STARD3: variants seen among roughly 807,000 people sequenced by gnomAD.
STARD3 encodes stAR-related lipid transfer protein 3.
Under a neutral mutation model 62.0 loss-of-function variants are expected in STARD3, and 39 were observed. The ratio of observed to expected loss-of-function variants is 0.63; its 90% CI spans 0.49 to 0.82. The LOEUF is 0.82. Ranked by LOEUF, STARD3 falls within the 40% of genes least tolerant of loss-of-function variation. STARD3 has a pLI of 0.00. For synonymous variants in STARD3, 229 were observed against 242.4 expected (o/e 0.94, Z 0.51); for missense variants, 543 against 584.5 (o/e 0.93, Z 0.73).
At chr17:39,653,246 G>A in intron 1 of STARD3, 1 of 518,856 alleles carries the variant, frequency 1.9e-6, no homozygotes, top group South Asian at 2.1e-5. Flanking sequence ...TGAACCCTGT[G>A]GCTGCTGGGC....
rs562992011 is a variant in STARD3 at position 39,663,697 on chromosome 17, G to GA, written c.*796dup. On this transcript the variant is annotated 3_prime_UTR_variant, in exon 15 of 15. Coordinates refer to ENST00000336308, the MANE Select transcript of STARD3 (RefSeq NM_006804.4). ...GTTCAACTGAGCAGATGACTGGTCA[G>GA]AAAAAAATGCCCCGCCCCCTGCCAG... is the stretch of plus-strand genomic sequence containing the variant. Among the ~76,000 whole-genome samples, 820 of 145,046 alleles carry GA rather than the reference G, an allele frequency of 5.7e-3. 9 individuals carry two copies. Among genetic ancestry groups the GA allele is most frequent in the African/African-American group, 0.02 (762 of 38,928 alleles).
chr17:39,659,061 T>C lies in STARD3; in HGVS notation c.657T>C (p.Asn219=). The change falls in exon 8 of 15, where the codon AAT becomes AAC. Residue 219 remains asparagine, a synonymous_variant. Transcript: ENST00000336308. ...SPPESFAGSD[N]ESDEEVAGKK... The stretch of plus-strand genomic sequence containing the variant: ...GCCTGTTTTCTGCAGGGTCTGACAA[T>C]GAATCAGATGAAGAAGTTGCTGGGA... 1 of 1,614,130 alleles carries C rather than the reference T, an allele frequency of 6.2e-7. No individual in the cohort carries two copies. Among genetic ancestry groups the C allele is most frequent in the Non-Finnish European group, 8.5e-7 (1 of 1,180,004 alleles).
intron 2 of STARD3, among the ~76,000 whole-genome samples, chr17:39,655,164 A>T (rs1316381273): frequency 6.6e-6 from 1 of 152,220 alleles, no homozygotes; most frequent in African/African-American, 2.4e-5. Context: ...AAAAGAGCTG[A>T]AAAGATTTTG....
At chr17:39,653,372 T>A (rs959100143) in intron 1 of STARD3, 109 bp from the exon 2 acceptor site, 2 of 744,834 alleles carry the variant, frequency 2.7e-6, no homozygotes, top group Non-Finnish European at 4.3e-6. Flanking sequence ...GCCCTGGGCT[T>A]GGGACCCAGT....
Position 39,664,135 on chromosome 17 carries a change from C to T in STARD3, c.*1227C>T, listed in dbSNP as rs2057233338. 1 of 152,348 alleles carries T rather than the reference C, an allele frequency of 6.6e-6. No homozygotes were observed. Among genetic ancestry groups the T allele is most frequent in the South Asian group, 2.1e-4 (1 of 4,832 alleles). The allele number at this position is 152,348 out of a possible 1,614,324, so 9.4% of individuals were successfully genotyped here. On this transcript the variant is annotated 3_prime_UTR_variant, in exon 15 of 15. Transcript: ENST00000336308. ...AATCTACCTCTCTCAGCTTCTGCTT[C>T]CCACTTTATGAAAATGGGACTGATG...
chr17:39,654,429 G>T (rs868789078), intron 2 of STARD3, among the ~76,000 whole-genome samples: 1 of 152,300 alleles, frequency 6.6e-6, no homozygotes, highest in South Asian at 2.1e-4. Context: ...AAAGCAGAGG[G>T]CACAGTGGGA....
chr17:39,658,260 T>G (rs1214682036), intron 5 of STARD3, 145 bp from the exon 6 acceptor site: 1 of 849,074 alleles, frequency 1.2e-6, no homozygotes, highest in East Asian at 2.6e-5. Context: ...CAGTTTATCC[T>G]GCTGCAGACT....
At chr17:39,645,932 C>T (rs1036334765) in intron 1 of STARD3, among the ~76,000 whole-genome samples, 8 of 138,722 alleles carry the variant, frequency 5.8e-5, no homozygotes, top group East Asian at 2.2e-4. Flanking sequence ...CACTCTGTCA[C>T]CCAGACTGGA....
chr17:39,659,678 G>A (rs892197497), intron 9 of STARD3, 125 bp downstream of exon 9: 3 of 1,052,594 alleles, frequency 2.9e-6, no homozygotes, highest in East Asian at 2.6e-5. Flanking sequence ...CCAAGAGAGG[G>A]AGCTGGGCCC....
intron 1 of STARD3, chr17:39,637,512 G>C (rs1446748090): frequency 6.6e-6 from 1 of 152,330 alleles, no homozygotes; most frequent in Non-Finnish European, 1.5e-5. Context: ...GGGGAGAGGA[G>C]AGGGTGAGGT....
At position 39,657,010 on chromosome 17, in the gene STARD3, C is replaced by G; in HGVS notation, c.222C>G (p.Thr74=). 5 of 1,614,130 alleles carry G rather than the reference C, an allele frequency of 3.1e-6. No individual in the cohort carries two copies. Among genetic ancestry groups the G allele is most frequent in the Non-Finnish European group, 4.2e-6 (5 of 1,180,002 alleles). The change falls in exon 3 of 15, where the codon ACC becomes ACG. Residue 74 remains threonine, a splice_region_variant and synonymous_variant. Coordinates refer to ENST00000336308, the MANE Select transcript of STARD3 (RefSeq NM_006804.4). The part of the protein sequence containing the change: ...ISLLWIIELN[T]NTGIRKNLEQ... ...CTCTTCCTGTCTCCCTCTCACAGAC[C>G]AACACAGGCATCCGTAAGAACTTGG...
At chr17:39,640,354 C>T (rs921482429) in intron 1 of STARD3, among the ~76,000 whole-genome samples, 1 of 152,186 alleles carries the variant, frequency 6.6e-6, no homozygotes. Context: ...CAGAAACTGC[C>T]TTGGGGTCCC....
rs754656247 is a variant in STARD3 at position 39,660,545 on chromosome 17, C to T, written c.954+19C>T. 14 of 1,612,982 alleles carry T rather than the reference C, an allele frequency of 8.7e-6. No homozygotes were observed. Among genetic ancestry groups the T allele is most frequent in the South Asian group, 1.1e-5 (1 of 91,064 alleles). ...CTGCCAGGTGAGCCCAGTCTGGCTGCCTCTTAAGGCACAGATGGGGGCACA... is the reference window on the plus strand; with the variant it reads ...CTGCCAGGTGAGCCCAGTCTGGCTGTCTCTTAAGGCACAGATGGGGGCACA... On this transcript the variant is annotated intron_variant, in intron 11 of 14. Coordinates refer to ENST00000336308, the MANE Select transcript of STARD3 (RefSeq NM_006804.4). The surrounding 1 kb of genome is among the most constrained non-coding windows in gnomAD (Gnocchi z 4.8).
chr17:39,659,196 T>C, intron 8 of STARD3, 90 bp downstream of exon 8: 1 of 1,533,924 alleles, frequency 6.5e-7, no homozygotes, highest in Non-Finnish European at 9.0e-7. Context: ...GGCAGGGGTT[T>C]CCCAGTAGAG....
Position 39,643,316 on chromosome 17 carries a change from G to A in STARD3, c.-52+6085G>A, listed in dbSNP as rs140755153. 1.5e-3 allele frequency among the ~76,000 whole-genome samples: 229 copies of A among 152,276 alleles called. 2 individuals are homozygous for A. The highest frequency in any genetic ancestry group is 7.5e-3 in the South Asian group (36 of 4,822). On this transcript the variant is annotated intron_variant, in intron 1 of 14. Transcript: ENST00000336308. ...AGGACTCTTGCAGGCAGCAGCATTTGTACTTAGAAGGTCCCAGCCTGTCAT... is the reference window on the plus strand; with the variant it reads ...AGGACTCTTGCAGGCAGCAGCATTTATACTTAGAAGGTCCCAGCCTGTCAT...
intron 9 of STARD3, 127 bp downstream of exon 9, chr17:39,659,680 G>T: frequency 9.6e-7 from 1 of 1,038,926 alleles, no homozygotes; most frequent in Non-Finnish European, 1.4e-6. Context: ...AAGAGAGGGA[G>T]CTGGGCCCTC....
Position 39,663,438 on chromosome 17 carries a change from C to A in STARD3, c.*530C>A. 4.6e-6 allele frequency: 1 copy of A among 216,850 alleles called. No homozygotes were observed. Among genetic ancestry groups the A allele is most frequent in the Non-Finnish European group, 9.0e-6 (1 of 111,104 alleles). The allele number at this position is 216,850 out of a possible 1,614,324, so 13.4% of individuals were successfully genotyped here. Reference sequence around the variant, plus strand: ...CTCCTCCCAGGGCCTCCTGGGGGACCTTTGTATTAAGCCAATTAAAAACAT... The same window carrying A: ...CTCCTCCCAGGGCCTCCTGGGGGACATTTGTATTAAGCCAATTAAAAACAT... On this transcript the variant is annotated 3_prime_UTR_variant, in exon 15 of 15. Transcript: ENST00000336308.
At chr17:39,655,670 A>G (rs1008812198) in intron 2 of STARD3, among the ~76,000 whole-genome samples, 23 of 152,202 alleles carry the variant, frequency 1.5e-4, no homozygotes, top group Admixed American at 5.9e-4. Context: ...CCCTTGGCAG[A>G]CATTTAATTA....
At position 39,658,520 on chromosome 17, in the gene STARD3, G is replaced by T. The variant is rs148577327; in HGVS notation, c.545G>T (p.Arg182Leu). Reference protein sequence around the residue: ...KVLPQEAEEERWYLAAQVAVA... With the variant: ...KVLPQEAEEELWYLAAQVAVA... ...CTACCCCAGGAAGCTGAAGAGGAGCGATGTGAGTGCTTGCGGGTAGGGGGG... is the reference window on the plus strand; with the variant it reads ...CTACCCCAGGAAGCTGAAGAGGAGCTATGTGAGTGCTTGCGGGTAGGGGGG... The change falls in exon 6 of 15, where the codon CGA becomes CTA. Residue 182 changes from arginine (R) to leucine (L), a missense_variant and splice_region_variant. Transcript: ENST00000336308. 45 of 1,613,578 alleles carry T rather than the reference G, an allele frequency of 2.8e-5. No homozygotes were observed. The highest frequency in any genetic ancestry group is 3.5e-5 in the Non-Finnish European group (41 of 1,179,708).
Sources: gnomAD v4.1 joint callset for allele counts (sites outside exome capture counted in the v4.1 genomes callset) on GRCh38, gnomAD v4.1.1 for gene constraint, Gnocchi (gnomAD v3.1) non-coding constraint, MANE v1.5 for transcripts, NCBI Gene and HGNC (gene_info 2026-07-23, HGNC 2026-07-21) for gene names.